Variants in NMNAT1 observed in about 807,000 individuals in gnomAD.
The protein encoded by NMNAT1 is nicotinamide nucleotide adenylyltransferase 1.
A neutral mutation model predicts 16.7 loss-of-function variants in NMNAT1; 11 were observed. That is an observed-to-expected ratio of 0.66 (90% confidence interval 0.41 to 1.09). The LOEUF (loss-of-function observed/expected upper bound fraction) is 1.09, where lower values mean the gene tolerates loss of function less well. Among genes scored for constraint, NMNAT1 ranks in the 50% least tolerant of loss-of-function variants. The pLI, the probability that NMNAT1 is intolerant of heterozygous loss-of-function variation, is 0.00. For missense variants in NMNAT1, 280 were observed against 332.3 expected, an observed-to-expected ratio of 0.84 and a Z score of 1.22; for synonymous variants, 110 against 119.8, an observed-to-expected ratio of 0.92 and a Z score of 0.53.
the NMNAT1 span, among the ~76,000 whole-genome samples, chr1:9,991,896 CG>C: frequency 7.3e-5 from 11 of 149,768 alleles, no homozygotes; most frequent in South Asian, 1.3e-3. Context: ...AAAAATAAGA[CG>C]AAAAAAAAAA....
chr1:9,976,738 C>T lies in NMNAT1; in HGVS notation c.299+963C>T, dbSNP rs1641822655. Among the ~76,000 whole-genome samples, 3 of 151,940 alleles carry T rather than the reference C, an allele frequency of 2.0e-5. 1 individual carries two copies. In the South Asian group the frequency reaches 6.2e-4, roughly 32 times the overall value. On this transcript the variant is annotated intron_variant, in intron 3 of 4. Coordinates refer to ENST00000377205, the MANE Select transcript of NMNAT1 (RefSeq NM_022787.4). The stretch of plus-strand genomic sequence containing the variant: ...CTCCTGGGTTCAAGCAATTCTCCTG[C>T]CTCAGCCTCCCAAGTAGCTGGGACT...
chr1:9,953,302 G>A lies in NMNAT1; in HGVS notation c.-57+9787G>A, dbSNP rs1305461215. Among the ~76,000 whole-genome samples the A allele has an allele frequency of 4.0e-5, 6 of 148,338 alleles. No individual in the cohort carries two copies. In the South Asian group the frequency reaches 1.3e-3, roughly 32 times the overall value. ...GCTTTTTTTTTTTTTTTTTGAGACG[G>A]AGTCTTGCTCTGTTGCCAGGCTGGA... On this transcript the variant is annotated intron_variant, in intron 1 of 4. Coordinates refer to ENST00000377205, the MANE Select transcript of NMNAT1 (RefSeq NM_022787.4).
upstream of NMNAT1, chr1:9,943,302 C>G (rs1037854696): frequency 6.5e-6 from 1 of 154,196 alleles, no homozygotes; most frequent in African/African-American, 2.4e-5. Context: ...CCTGTGCCGC[C>G]TGACCGCCCG....
At chr1:9,950,333 C>T (rs906159937) in intron 1 of NMNAT1, among the ~76,000 whole-genome samples, 4 of 152,156 alleles carry the variant, frequency 2.6e-5, no homozygotes, top group Admixed American at 6.5e-5. Flanking sequence ...TCAAGTGATC[C>T]GCCCGCCTTG....
At position 9,958,346 on chromosome 1, in the gene NMNAT1, T is replaced by C. The variant is rs143978901; in HGVS notation, c.-56-13672T>C. On this transcript the variant is annotated intron_variant, in intron 1 of 4. Coordinates refer to ENST00000377205, the MANE Select transcript of NMNAT1 (RefSeq NM_022787.4). The stretch of plus-strand genomic sequence containing the variant: ...TCCATTGCATTCTAATAAAATTCTA[T>C]CTAATAATACTTCAATAAGAATATT... Among the ~76,000 whole-genome samples, 287 of 152,290 alleles carry C rather than the reference T, an allele frequency of 1.9e-3. 1 individual carries two copies. Among genetic ancestry groups the C allele is most frequent in the Middle Eastern group, 3.4e-3 (1 of 294 alleles).
In NMNAT1 at chr1:9,975,890, A is replaced by T. The variant is rs1396621718; in HGVS notation, c.299+115A>T. On this transcript the variant is annotated intron_variant, in intron 3 of 4. Transcript: ENST00000377205. Reference sequence around the variant, plus strand: ...GAACATACAGATTTGCAAAACTGTCACGTGTGTTGTAAGCCATTCCTGTGG... The same window carrying T: ...GAACATACAGATTTGCAAAACTGTCTCGTGTGTTGTAAGCCATTCCTGTGG... The T allele has an allele frequency of 8.5e-6, 7 of 826,106 alleles. No homozygotes were observed. The East Asian group carries it at 1.8e-4, about 21-fold the overall frequency. 51.2% of individuals were successfully genotyped at this position (826,106 alleles called of 1,614,324 possible).
chr1:9,964,453 C>T (rs373387550), intron 1 of NMNAT1, among the ~76,000 whole-genome samples: 17 of 151,570 alleles, frequency 1.1e-4, no homozygotes, highest in African/African-American at 4.1e-4. Flanking sequence ...GCAGGAGGAT[C>T]CTTGAGCCCA....
At chr1:9,964,428 A>G (rs1210490748) in intron 1 of NMNAT1, among the ~76,000 whole-genome samples, 1 of 151,838 alleles carries the variant, frequency 6.6e-6, no homozygotes, top group East Asian at 2.0e-4. Flanking sequence ...AGTCCCAGCT[A>G]CACGAGTAGC....
intron 1 of NMNAT1, among the ~76,000 whole-genome samples, chr1:9,953,818 T>G (rs1641179313): frequency 7.0e-6 from 1 of 143,684 alleles, no homozygotes; most frequent in South Asian, 2.3e-4. Flanking sequence ...TTTTTTTTTT[T>G]TTTTTGAGAC....
chr1:9,970,506 G>C (rs1641663545), intron 1 of NMNAT1, among the ~76,000 whole-genome samples: 1 of 152,002 alleles, frequency 6.6e-6, no homozygotes, highest in Non-Finnish European at 1.5e-5. Context: ...CATCTAACAT[G>C]ATGAAACCCC....
At chr1:9,960,305 A>G (rs1002845104) in intron 1 of NMNAT1, among the ~76,000 whole-genome samples, 2 of 146,944 alleles carry the variant, frequency 1.4e-5, no homozygotes, top group African/African-American at 5.1e-5. Context: ...AAAAACAAAA[A>G]CAAAAAAACC....
At chr1:9,971,192 A>C (rs1641679636) in intron 1 of NMNAT1, among the ~76,000 whole-genome samples, 2 of 152,200 alleles carry the variant, frequency 1.3e-5, no homozygotes, top group African/African-American at 4.8e-5. Context: ...CTTTTGCCCA[A>C]AGCAAGTCAA....
downstream of NMNAT1, among the ~76,000 whole-genome samples, chr1:9,990,200 A>T (rs1323866528): frequency 6.6e-6 from 1 of 152,228 alleles, no homozygotes; most frequent in Non-Finnish European, 1.5e-5. Flanking sequence ...ATCTATACTC[A>T]GAAGTACAGA....
intron 1 of NMNAT1, chr1:9,951,336 T>A (rs1458591890): frequency 6.6e-6 from 1 of 152,236 alleles, no homozygotes; most frequent in Non-Finnish European, 1.5e-5. Flanking sequence ...AGGAATACTT[T>A]GTCTTTTAAT....
chr1:9,964,645 T>A (rs1641499273), intron 1 of NMNAT1, among the ~76,000 whole-genome samples: 1 of 151,950 alleles, frequency 6.6e-6, no homozygotes, highest in African/African-American at 2.4e-5. Flanking sequence ...ATTTCTATGT[T>A]AATTATAAAA....
At position 9,984,656 on chromosome 1, in the gene NMNAT1, G is replaced by T. The variant is rs1373942389; in HGVS notation, c.*1955G>T. 1 of 152,276 alleles carries T rather than the reference G, an allele frequency of 6.6e-6. No homozygotes were observed. The highest frequency in any genetic ancestry group is 1.5e-5 in the Non-Finnish European group (1 of 68,026). 9.4% of individuals were successfully genotyped at this position (152,276 alleles called of 1,614,324 possible). On this transcript the variant is annotated 3_prime_UTR_variant, in exon 5 of 5. Transcript: ENST00000377205. Reference sequence around the variant, plus strand: ...TTTAGAGGAAATGTGTGATGCTGGTGTTTTGTTTGGCCTGTTTGTTTGATG... The same window carrying T: ...TTTAGAGGAAATGTGTGATGCTGGTTTTTTGTTTGGCCTGTTTGTTTGATG...
intron 2 of NMNAT1, among the ~76,000 whole-genome samples, chr1:9,973,303 C>T (rs1021346029): frequency 3.3e-5 from 5 of 151,858 alleles, no homozygotes; most frequent in Non-Finnish European, 5.9e-5. Flanking sequence ...TTTTTAGTAG[C>T]GACGGGGTTT....
rs751810097 is a variant in NMNAT1 at position 9,975,674 on chromosome 1, G to A, written c.198G>A (p.Arg66=). The change falls in exon 3 of 5, where the codon CGG becomes CGA. Residue 66 remains arginine (R), a synonymous_variant. Coordinates refer to ENST00000377205, the MANE Select transcript of NMNAT1 (RefSeq NM_022787.4). ...KKKGLIPAYH[R]VIMAELATKN... is the part of the protein sequence containing the mutation. ...AAGGACTCATTCCTGCCTATCACCG[G>A]GTCATCATGGCAGAACTTGCTACCA... 7 of 1,613,914 alleles carry A rather than the reference G, an allele frequency of 4.3e-6. No homozygotes were observed. The highest frequency in any genetic ancestry group is 3.4e-6 in the Non-Finnish European group (4 of 1,179,884).
At chr1:9,977,258 C>CT (rs759468556) in intron 3 of NMNAT1, among the ~76,000 whole-genome samples, 85 of 151,564 alleles carry the variant, frequency 5.6e-4, no homozygotes, top group African/African-American at 1.9e-3. Context: ...ACTTTATTTT[C>CT]TTTTTTTTGT....
Sources: gnomAD v4.1 joint callset for allele counts (sites outside exome capture counted in the v4.1 genomes callset) on GRCh38, gnomAD v4.1.1 for gene constraint, MANE v1.5 for transcripts, NCBI Gene and HGNC (gene_info 2026-07-23, HGNC 2026-07-21) for gene names.